The following COL15A1 variants were observed in gnomAD, a reference collection of about 807,000 sequenced individuals.
COL15A1 encodes collagen type XV alpha 1 chain.
COL15A1 carries 111 observed loss-of-function variants against 165.9 expected under a neutral mutation model. That is an observed-to-expected ratio of 0.67 (90% confidence interval 0.57 to 0.78). The LOEUF (loss-of-function observed/expected upper bound fraction) is 0.78. Ranked by LOEUF, COL15A1 falls within the 30% of genes least tolerant of loss-of-function variation. COL15A1 has a pLI of 0.00. For missense variants in COL15A1, 1,745 were observed against 1,789.7 expected (o/e 0.98, Z 0.45); for synonymous variants, 659 against 674.8 (o/e 0.98, Z 0.36).
chr9:99,059,774 G>A, intron 35 of COL15A1, 115 bp from the exon 36 acceptor site: 4 of 1,140,176 alleles, frequency 3.5e-6, no homozygotes, highest in Non-Finnish European at 5.1e-6. Context: ...AAGTTGGGAT[G>A]CTTTGTGGCG....
At chr9:99,023,213 A>G (rs1399216572) in intron 13 of COL15A1, 144 bp from the exon 14 acceptor site, 1 of 1,060,732 alleles carries the variant, frequency 9.4e-7, no homozygotes, top group East Asian at 2.7e-5. Context: ...AGTGGGAGAA[A>G]AGTCAGAGAG....
At chr9:99,052,828 C>T (rs1425748180) in intron 31 of COL15A1, among the ~76,000 whole-genome samples, 1 of 152,164 alleles carries the variant, frequency 6.6e-6, no homozygotes, top group Non-Finnish European at 1.5e-5. Flanking sequence ...ACTTTAAAAA[C>T]AATTATAGTG....
intron 2 of COL15A1, among the ~76,000 whole-genome samples, chr9:98,974,927 T>C (rs1838118232): frequency 1.3e-5 from 2 of 152,216 alleles, no homozygotes. Flanking sequence ...GCGTTATGGG[T>C]TCTAGGCCTG....
intron 31 of COL15A1, among the ~76,000 whole-genome samples, chr9:99,053,008 G>A (rs1319072925): frequency 6.6e-6 from 1 of 152,198 alleles, no homozygotes; most frequent in African/African-American, 2.4e-5. Context: ...TCTCCCGGGT[G>A]AGGTGAGTGC....
chr9:98,962,756 A>G (rs1324699702), intron 2 of COL15A1, among the ~76,000 whole-genome samples: 1 of 152,208 alleles, frequency 6.6e-6, no homozygotes, highest in Non-Finnish European at 1.5e-5. Context: ...TTTTCTGTCT[A>G]CAGATACCTA....
At chr9:98,945,620 C>T (rs1180550978) in intron 2 of COL15A1, among the ~76,000 whole-genome samples, 1 of 152,230 alleles carries the variant, frequency 6.6e-6, no homozygotes, top group Non-Finnish European at 1.5e-5. Context: ...GGCAACAAGA[C>T]CCAAATCCGA....
intron 23 of COL15A1, among the ~76,000 whole-genome samples, chr9:99,041,575 A>G (rs1476389050): frequency 2.6e-5 from 4 of 152,058 alleles, no homozygotes; most frequent in African/African-American, 7.2e-5. Flanking sequence ...AAGGGAGTCA[A>G]CCTGATGGTG....
At chr9:99,034,635 C>CCT in intron 17 of COL15A1, 51 bp downstream of exon 17, 1 of 1,499,462 alleles carries the variant, frequency 6.7e-7, no homozygotes, top group Non-Finnish European at 8.9e-7. Context: ...CTCCCTCCTC[C>CCT]CCTTTCTTTG....
At chr9:99,035,228 C>T in intron 18 of COL15A1, 74 bp downstream of exon 18, 3 of 1,574,750 alleles carry the variant, frequency 1.9e-6, no homozygotes, top group Non-Finnish European at 1.7e-6. Context: ...CTAGCTAAAC[C>T]CTGGTCTCAG....
At chr9:99,040,326 T>G (rs1315501725) in intron 22 of COL15A1, among the ~76,000 whole-genome samples, 195 bp from the exon 23 acceptor site, 1 of 152,186 alleles carries the variant, frequency 6.6e-6, no homozygotes, top group African/African-American at 2.4e-5. Context: ...TTCCTTGCTT[T>G]CTTTCCAGTC....
intron 22 of COL15A1, among the ~76,000 whole-genome samples, chr9:99,040,263 C>G (rs1460562430): frequency 2.0e-5 from 3 of 152,236 alleles, no homozygotes; most frequent in Non-Finnish European, 4.4e-5. Flanking sequence ...CCTGTCCTCA[C>G]AGTCCCTGGG....
chr9:99,015,608 A>G, intron 10 of COL15A1, 42 bp downstream of exon 10: 1 of 1,589,736 alleles, frequency 6.3e-7, no homozygotes, highest in Non-Finnish European at 8.6e-7. Flanking sequence ...CAGGGGAGAG[A>G]CAGGTCTGCA....
At chr9:99,038,830 G>A (rs1033923796) in intron 22 of COL15A1, 97 bp downstream of exon 22, 36 of 755,474 alleles carry the variant, frequency 4.8e-5, no homozygotes, top group African/African-American at 1.0e-4. Flanking sequence ...CTCCTGAAGC[G>A]TAGAGCTAGA....
At chr9:99,041,204 A>T (rs924680080) in intron 23 of COL15A1, 9 of 152,458 alleles carry the variant, frequency 5.9e-5, no homozygotes, top group Admixed American at 5.2e-4. Context: ...TGTATATATT[A>T]GGCTTTCATT....
chr9:98,987,762 G>C (rs1356101884), intron 4 of COL15A1, among the ~76,000 whole-genome samples: 1 of 152,252 alleles, frequency 6.6e-6, no homozygotes, highest in African/African-American at 2.4e-5. Flanking sequence ...GCTGGGGATG[G>C]AGTGGTGGGC....
rs1181077212 is a variant in COL15A1, at chr9:99,016,133, A to G, written c.1647+14A>G. The stretch of plus-strand genomic sequence containing the variant: ...TGGATCACTCCAGTAAGTGGCATAG[A>G]GCTGTAAGATTTGACTTGGCAGACC... On this transcript the variant is annotated intron_variant, in intron 11 of 41. Coordinates refer to ENST00000375001, the MANE Select transcript of COL15A1 (RefSeq NM_001855.5). 1 of 1,591,352 alleles carries G rather than the reference A, an allele frequency of 6.3e-7. No homozygotes were observed. Among genetic ancestry groups the G allele is most frequent in the African/African-American group, 1.3e-5 (1 of 74,204 alleles).
chr9:98,966,798 TA>T (rs1037217229), intron 2 of COL15A1, among the ~76,000 whole-genome samples: 4 of 152,204 alleles, frequency 2.6e-5, no homozygotes, highest in African/African-American at 9.6e-5. Flanking sequence ...AATATTATAT[TA>T]TATCTCAACA....
At chr9:99,023,141 C>T (rs949200088) in intron 13 of COL15A1, among the ~76,000 whole-genome samples, 2 of 151,920 alleles carry the variant, frequency 1.3e-5, no homozygotes, top group Non-Finnish European at 2.9e-5. Flanking sequence ...GAAAGGAGGC[C>T]GAGGACATGA....
chr9:99,066,614 T>G (rs1348096690), intron 39 of COL15A1, among the ~76,000 whole-genome samples: 6 of 146,674 alleles, frequency 4.1e-5, no homozygotes, highest in African/African-American at 1.5e-4. Flanking sequence ...TTTTTTTTTT[T>G]TTTTTTTTTT....
Sources: allele counts gnomAD v4.1 joint callset (sites outside exome capture counted in the v4.1 genomes callset), GRCh38; gene constraint gnomAD v4.1.1; transcripts MANE v1.5; gene names NCBI Gene and HGNC (gene_info 2026-07-23, HGNC 2026-07-21).